The following EPHA3 variants were observed in gnomAD, a reference collection of about 807,000 sequenced individuals.
EPHA3 encodes the protein ephrin type-A receptor 3.
EPHA3 carries 42 observed loss-of-function variants against 107.1 expected under a neutral mutation model. That is an observed-to-expected ratio of 0.39 (90% confidence interval 0.31 to 0.51). The LOEUF (loss-of-function observed/expected upper bound fraction) is 0.51. Among genes scored for constraint, EPHA3 ranks in the 20% least tolerant of loss-of-function variants. The pLI is 0.78. For missense variants in EPHA3, 1,183 were observed against 1,211.2 expected (o/e 0.98, Z 0.35); for synonymous variants, 461 against 424.8 (o/e 1.09, Z -1.05).
intron 2 of EPHA3, among the ~76,000 whole-genome samples, chr3:89,153,384 C>T (rs1386875277): frequency 6.6e-6 from 1 of 152,146 alleles, no homozygotes; most frequent in Admixed American, 6.6e-5. Flanking sequence ...ATCCAACTTC[C>T]TTATTAATAT....
At chr3:89,369,289 T>C (rs1708245911) in intron 5 of EPHA3, among the ~76,000 whole-genome samples, 1 of 150,754 alleles carries the variant, frequency 6.6e-6, no homozygotes, top group Admixed American at 6.6e-5. Flanking sequence ...ATGGTACTGG[T>C]ACCAAAACAG....
intron 13 of EPHA3, among the ~76,000 whole-genome samples, chr3:89,432,447 A>G (rs1709587420): frequency 6.6e-6 from 1 of 152,062 alleles, no homozygotes; most frequent in South Asian, 2.1e-4. Flanking sequence ...CAGTGGCACA[A>G]TTACGACTCA....
intron 3 of EPHA3, among the ~76,000 whole-genome samples, chr3:89,293,768 G>C (rs1161188731): frequency 6.6e-6 from 1 of 152,064 alleles, no homozygotes; most frequent in Non-Finnish European, 1.5e-5. Context: ...GGCCTCCCCA[G>C]CCTTGTGGAA....
intron 3 of EPHA3, among the ~76,000 whole-genome samples, chr3:89,309,877 AC>A (rs1193196265): frequency 9.1e-6 from 1 of 109,568 alleles, no homozygotes; most frequent in Admixed American, 1.1e-4. Flanking sequence ...GCCACCCCCC[AC>A]CCCCCACACA....
chr3:89,246,376 T>A (rs1409476486), intron 3 of EPHA3, among the ~76,000 whole-genome samples: 1 of 152,218 alleles, frequency 6.6e-6, no homozygotes, highest in Non-Finnish European at 1.5e-5. Context: ...TTTGATATGT[T>A]TCCATTTTGA....
At chr3:89,124,754 T>C (rs1704054104) in intron 1 of EPHA3, among the ~76,000 whole-genome samples, 1 of 152,028 alleles carries the variant, frequency 6.6e-6, no homozygotes, top group African/African-American at 2.4e-5. Flanking sequence ...AGGGTAGATA[T>C]AATTGATAGA....
chr3:89,460,498 A>T (rs1258530824), intron 15 of EPHA3, among the ~76,000 whole-genome samples: 1 of 151,728 alleles, frequency 6.6e-6, no homozygotes. Context: ...ATTTATTTTT[A>T]TTAACTTGCA....
intron 3 of EPHA3, among the ~76,000 whole-genome samples, chr3:89,265,776 G>A (rs943555986): frequency 4.6e-5 from 7 of 151,908 alleles, no homozygotes; most frequent in African/African-American, 1.5e-4. Flanking sequence ...GTACATTCTC[G>A]GTAACTGTCA....
At chr3:89,189,859 T>G (rs35695156) in intron 2 of EPHA3, among the ~76,000 whole-genome samples, 235 of 152,320 alleles carry the variant, frequency 1.5e-3, no homozygotes, top group Non-Finnish European at 2.7e-3. Flanking sequence ...TGATCTGCAA[T>G]TTATTATTAG....
intron 10 of EPHA3, 142 bp downstream of exon 10, chr3:89,413,408 TA>T (rs1709192252): frequency 9.8e-7 from 1 of 1,018,964 alleles, no homozygotes; most frequent in African/African-American, 1.6e-5. Context: ...GTGCAATATT[TA>T]ATGGAATGTA....
At chr3:89,408,839 G>A (rs538922943) in intron 9 of EPHA3, among the ~76,000 whole-genome samples, 1 of 152,080 alleles carries the variant, frequency 6.6e-6, no homozygotes, top group South Asian at 2.1e-4. Flanking sequence ...ATGGAAATTA[G>A]TACAAAGACT....
At chr3:89,311,577 G>A (rs764212785) in intron 3 of EPHA3, among the ~76,000 whole-genome samples, 1 of 152,026 alleles carries the variant, frequency 6.6e-6, no homozygotes, top group Non-Finnish European at 1.5e-5. Context: ...TTTGAGACAT[G>A]CTCAAGTTTA....
At chr3:89,305,802 CA>C (rs1170005393) in intron 3 of EPHA3, among the ~76,000 whole-genome samples, 1 of 152,136 alleles carries the variant, frequency 6.6e-6, no homozygotes, top group African/African-American at 2.4e-5. Flanking sequence ...TTTTATAATA[CA>C]GAGAATAAAA....
chr3:89,303,033 C>T (rs548752538), intron 3 of EPHA3, among the ~76,000 whole-genome samples: 10 of 152,120 alleles, frequency 6.6e-5, no homozygotes, highest in African/African-American at 9.6e-5. Flanking sequence ...CCTGGGATTA[C>T]TGGTATCTGC....
chr3:89,183,511 T>G (rs1384231651), intron 2 of EPHA3, among the ~76,000 whole-genome samples: 1 of 151,944 alleles, frequency 6.6e-6, no homozygotes, highest in Non-Finnish European at 1.5e-5. Flanking sequence ...ATAAATCACC[T>G]TTTGCCTCAC....
intron 6 of EPHA3, among the ~76,000 whole-genome samples, chr3:89,396,840 T>C (rs1172774896): frequency 6.6e-6 from 1 of 152,216 alleles, no homozygotes; most frequent in Non-Finnish European, 1.5e-5. Flanking sequence ...GGACATTACT[T>C]AAGTCTGAGC....
intron 5 of EPHA3, among the ~76,000 whole-genome samples, chr3:89,389,278 T>C (rs1708680245): frequency 1.3e-5 from 2 of 152,188 alleles, no homozygotes; most frequent in South Asian, 4.1e-4. Context: ...TGTTCACTTC[T>C]GAAAAAACTG....
intron 2 of EPHA3, among the ~76,000 whole-genome samples, chr3:89,177,896 TATTG>T (rs1287823897): frequency 6.6e-6 from 1 of 152,146 alleles, no homozygotes; most frequent in Non-Finnish European, 1.5e-5. Context: ...TTCAATTAAA[TATTG>T]ATTGATTGAT....
chr3:89,350,149 T>A (rs1559658523), intron 5 of EPHA3, among the ~76,000 whole-genome samples: 1 of 151,056 alleles, frequency 6.6e-6, no homozygotes, highest in South Asian at 2.1e-4. Flanking sequence ...ATTTCCTGAA[T>A]GTGAACGTTG....
Sources: allele counts gnomAD v4.1 joint callset (sites outside exome capture counted in the v4.1 genomes callset), GRCh38; gene constraint gnomAD v4.1.1; transcripts MANE v1.5; gene names NCBI Gene and HGNC (gene_info 2026-07-23, HGNC 2026-07-21).